NPHP4: variants seen among roughly 807,000 people sequenced by gnomAD.
The protein encoded by NPHP4 is nephrocystin 4, also known as nephrocystin-4.
In NPHP4, 151 loss-of-function variants were observed where a neutral mutation model predicts 155.8. The observed-to-expected ratio is 0.97, with a 90% confidence interval of 0.85 to 1.11. NPHP4 has a LOEUF of 1.11. Among genes scored for constraint, NPHP4 ranks in the 50% least tolerant of loss-of-function variants. The probability of loss-of-function intolerance (pLI) is 0.00; values close to 1 mark genes in which losing one functional copy is unlikely to be tolerated. For synonymous variants in NPHP4, 845 were observed against 816.8 expected (o/e 1.03, Z -0.59); for missense variants, 1,956 against 1,925.7 (o/e 1.02, Z -0.29).
At chr1:5,990,495 CT>C in intron 1 of NPHP4, among the ~76,000 whole-genome samples, 1 of 152,028 alleles carries the variant, frequency 6.6e-6, no homozygotes, top group Non-Finnish European at 1.5e-5. Context: ...TAATGAGCCC[CT>C]GATGCAAGAC....
chr1:5,936,092 T>C (rs989576100), intron 9 of NPHP4, among the ~76,000 whole-genome samples: 3 of 152,178 alleles, frequency 2.0e-5, no homozygotes, highest in Non-Finnish European at 4.4e-5. Flanking sequence ...AATATCTAAT[T>C]TTCCAATTTC....
rs949011446 is a variant in NPHP4, at chr1:5,867,161, C to T, written c.3473-46G>A. The T allele has an allele frequency of 2.7e-6, 4 of 1,459,964 alleles. No individual in the cohort carries two copies. In the East Asian group the frequency reaches 9.6e-5, roughly 35 times the overall value. 90.4% of individuals were successfully genotyped at this position (1,459,964 alleles called of 1,614,324 possible). A position where few individuals can be genotyped will look rare whatever the true frequency, so the allele number is the denominator to read the frequency against. On this transcript the variant is annotated intron_variant, in intron 24 of 29. Coordinates refer to ENST00000378156, the MANE Select transcript of NPHP4 (RefSeq NM_015102.5). The surrounding 1 kb of genome is among the most constrained non-coding windows in gnomAD (Gnocchi z 4.1). ...AAAAGAGTCTTCTCCACAGCCCCAG[C>T]CTGTGTGGAGAAGGCCCCACACATT...
intron 11 of NPHP4, among the ~76,000 whole-genome samples, chr1:5,921,774 C>T (rs1207051017): frequency 6.6e-6 from 1 of 152,206 alleles, no homozygotes; most frequent in Non-Finnish European, 1.5e-5. Flanking sequence ...CTAATTCTAA[C>T]ATTTCTGAAG....
Position 5,967,281 on chromosome 1 carries a change from G to A in NPHP4, c.517+18C>T. 6.3e-7 allele frequency: 1 copy of A among 1,589,108 alleles called. No individual in the cohort carries two copies. Among genetic ancestry groups the A allele is most frequent in the Non-Finnish European group, 8.6e-7 (1 of 1,166,962 alleles). The stretch of plus-strand genomic sequence containing the variant: ...CACGAGAGCAGTGAGTGCTGCCAAG[G>A]CCAGGTCTGGCTCTTACGCTCTGCG... On this transcript the variant is annotated intron_variant, in intron 5 of 29. Coordinates refer to ENST00000378156, the MANE Select transcript of NPHP4 (RefSeq NM_015102.5).
intron 23 of NPHP4, among the ~76,000 whole-genome samples, chr1:5,868,685 TAC>T (rs1465891326): frequency 1.5e-5 from 2 of 137,306 alleles, no homozygotes; most frequent in Non-Finnish European, 1.6e-5. Flanking sequence ...CACATGCATG[TAC>T]ACATATACAT....
In NPHP4 at chr1:5,866,329, C is replaced by T. The variant is rs535873778; in HGVS notation, c.3644+44G>A. 30 of 1,313,682 alleles carry T rather than the reference C, an allele frequency of 2.3e-5. No homozygotes were observed. In the South Asian group the frequency reaches 3.5e-4, roughly 15 times the overall value. 81.4% of individuals were successfully genotyped at this position (1,313,682 alleles called of 1,614,324 possible). On this transcript the variant is annotated intron_variant, in intron 26 of 29. Coordinates refer to ENST00000378156, the MANE Select transcript of NPHP4 (RefSeq NM_015102.5). ...AGCAGCCCCAGGCCTGCCTCCTCCT[C>T]TCCTCCGCCACCGCCTCCAGGTCCC...
At chr1:5,988,465 G>A (rs1172019481) in intron 1 of NPHP4, among the ~76,000 whole-genome samples, 2 of 152,170 alleles carry the variant, frequency 1.3e-5, no homozygotes, top group East Asian at 3.8e-4. Flanking sequence ...GGATAATATA[G>A]TTGGTTTTTG....
intron 8 of NPHP4, 28 bp from the exon 9 acceptor site, chr1:5,947,258 C>T (rs199855599): frequency 3.7e-6 from 6 of 1,610,026 alleles, no homozygotes; most frequent in African/African-American, 1.3e-5. Context: ...ACCAGGGACA[C>T]ATTAGAGCTC....
chr1:5,866,488 C>A (rs1641243298), intron 25 of NPHP4, 30 bp from the exon 26 acceptor site: 6 of 1,379,638 alleles, frequency 4.3e-6, no homozygotes, highest in African/African-American at 1.4e-5. Context: ...CACATCAGGG[C>A]ACACAGTGCT....
At chr1:5,916,231 C>T (rs1401607550) in intron 11 of NPHP4, among the ~76,000 whole-genome samples, 1 of 152,076 alleles carries the variant, frequency 6.6e-6, no homozygotes, top group Non-Finnish European at 1.5e-5. Flanking sequence ...TGCTCCCTTG[C>T]AATGTTACAG....
In NPHP4 at chr1:5,892,028, A is replaced by T. The variant is rs1289277162; in HGVS notation, c.2144-1000T>A. On this transcript the variant is annotated intron_variant, in intron 16 of 29. Coordinates refer to ENST00000378156, the MANE Select transcript of NPHP4 (RefSeq NM_015102.5). This position sits in a 1 kb window ranked among gnomAD's most constrained non-coding sequence, Gnocchi z 4.5. ...CAGGCCCGGCGCTGGCCACAGCAGG[A>T]GCTCACGGGGGCATCTTGGGGCAGA... Among the ~76,000 whole-genome samples, 2 of 152,214 alleles carry T rather than the reference A, an allele frequency of 1.3e-5. No homozygotes were observed. The highest frequency in any genetic ancestry group is 1.3e-4 in the Admixed American group (2 of 15,290).
intron 23 of NPHP4, among the ~76,000 whole-genome samples, chr1:5,871,758 C>T (rs1642028883): frequency 1.3e-5 from 2 of 152,298 alleles, no homozygotes; most frequent in African/African-American, 4.8e-5. Flanking sequence ...AGAGGCGGAG[C>T]ACCCCAGGAC....
chr1:5,991,811 C>A (rs1415224656), intron 1 of NPHP4, among the ~76,000 whole-genome samples: 4 of 151,766 alleles, frequency 2.6e-5, no homozygotes, highest in Non-Finnish European at 5.9e-5. Flanking sequence ...CGCGGCCAGG[C>A]GGGGTCCGCG....
At chr1:5,945,507 A>G (rs1647042773) in intron 9 of NPHP4, among the ~76,000 whole-genome samples, 1 of 152,206 alleles carries the variant, frequency 6.6e-6, no homozygotes, top group African/African-American at 2.4e-5. Flanking sequence ...AGGACTCGGA[A>G]TCATAGGGAC....
intron 23 of NPHP4, among the ~76,000 whole-genome samples, chr1:5,868,887 CAT>C (rs1255783666): frequency 3.4e-5 from 5 of 145,236 alleles, no homozygotes; most frequent in South Asian, 2.2e-4. Context: ...CACACGCACA[CAT>C]ATGCACGCCC....
Position 5,892,922 on chromosome 1 carries a change from T to A in NPHP4, c.2144-1894A>T, listed in dbSNP as rs747342301. On this transcript the variant is annotated intron_variant, in intron 16 of 29. Coordinates refer to ENST00000378156, the MANE Select transcript of NPHP4 (RefSeq NM_015102.5). The surrounding 1 kb of genome is among the most constrained non-coding windows in gnomAD (Gnocchi z 4.5). ...GCCCCAGCCCGGCTGGAATCCTCAC[T>A]GCTTCTGGGGTTGAGGAAACAGAAA... Among the ~76,000 whole-genome samples the A allele has an allele frequency of 9.2e-5, 14 of 152,138 alleles. No homozygotes were observed. Among genetic ancestry groups the A allele is most frequent in the Admixed American group, 3.3e-4 (5 of 15,266 alleles).
chr1:5,927,730 G>A lies in NPHP4; in HGVS notation c.1360C>T (p.His454Tyr), dbSNP rs374792772. ...ACAGGCTCCGTGGGTGCATCCAGGT[G>A]TTCTTCTGAGCCCAGCGAGAACTGG... ...RFQFSLGSEE[H>Y]LDAPTEPVSG... Residue 454 changes from histidine (H) to tyrosine (Y), a missense_variant, in exon 11 of 30, where the codon CAC becomes TAC. Transcript: ENST00000378156. 17 of 1,613,440 alleles carry A rather than the reference G, an allele frequency of 1.1e-5. No individual in the cohort carries two copies. The highest frequency in any genetic ancestry group is 1.4e-5 in the Non-Finnish European group (16 of 1,179,576).
intron 3 of NPHP4, among the ~76,000 whole-genome samples, chr1:5,973,129 T>C (rs1271846231): frequency 6.6e-6 from 1 of 152,164 alleles, no homozygotes; most frequent in Non-Finnish European, 1.5e-5. Flanking sequence ...AAGTGATCCA[T>C]CCACCTGGGC....
intron 16 of NPHP4, among the ~76,000 whole-genome samples, chr1:5,900,343 T>C (rs954394241): frequency 6.6e-6 from 1 of 152,190 alleles, no homozygotes; most frequent in Non-Finnish European, 1.5e-5. Context: ...AAAAACAGGC[T>C]GTGGCACATA....
Sources: gnomAD v4.1 joint callset for allele counts (sites outside exome capture counted in the v4.1 genomes callset) on GRCh38, gnomAD v4.1.1 for gene constraint, Gnocchi (gnomAD v3.1) non-coding constraint, MANE v1.5 for transcripts, NCBI Gene and HGNC (gene_info 2026-07-23, HGNC 2026-07-21) for gene names.